The following LRRC20 variants were observed in gnomAD, a reference collection of about 807,000 sequenced individuals.
LRRC20 encodes the protein leucine rich repeat containing 20, also known as leucine-rich repeat-containing protein 20.
LRRC20 carries 11 observed loss-of-function variants against 14.4 expected under a neutral mutation model. That is an observed-to-expected ratio of 0.77 (90% confidence interval 0.48 to 1.27). LRRC20 has a LOEUF of 1.27. Ranked by LOEUF, LRRC20 falls within the 50% of genes most tolerant of loss-of-function variation. LRRC20 has a pLI of 0.00. For missense variants in LRRC20, 219 were observed against 251.2 expected (o/e 0.87, Z 0.87); for synonymous variants, 121 against 107.3 (o/e 1.13, Z -0.79).
chr10:70,307,491 C>G (rs548574861), intron 4 of LRRC20, among the ~76,000 whole-genome samples: 1 of 152,360 alleles, frequency 6.6e-6, no homozygotes, highest in South Asian at 2.1e-4. Flanking sequence ...GCTGACCCGT[C>G]CTGAGAGAAA....
At chr10:70,369,177 C>G (rs1442728016) in intron 2 of LRRC20, among the ~76,000 whole-genome samples, 1 of 152,136 alleles carries the variant, frequency 6.6e-6, no homozygotes, top group Non-Finnish European at 1.5e-5. Flanking sequence ...CACTGTGGTT[C>G]CAAGAAGACC....
intron 2 of LRRC20, among the ~76,000 whole-genome samples, chr10:70,344,983 G>A (rs1379157253): frequency 6.6e-6 from 1 of 152,156 alleles, no homozygotes; most frequent in East Asian, 1.9e-4. Flanking sequence ...ATTGTTGAAT[G>A]TAACTACTAC....
intron 2 of LRRC20, among the ~76,000 whole-genome samples, chr10:70,355,428 T>C (rs1283461254): frequency 6.6e-6 from 1 of 151,974 alleles, no homozygotes; most frequent in East Asian, 1.9e-4. Context: ...GAAAAGGGCA[T>C]GGGAGGAAGA....
intron 2 of LRRC20, among the ~76,000 whole-genome samples, chr10:70,353,190 A>G (rs1843385164): frequency 6.6e-6 from 1 of 152,300 alleles, no homozygotes; most frequent in East Asian, 1.9e-4. Context: ...CCCTATAAAT[A>G]GGTCACTACT....
At chr10:70,352,832 A>AT (rs143035167) in intron 2 of LRRC20, among the ~76,000 whole-genome samples, 6,345 of 152,292 alleles carry the variant, frequency 0.042, 462 homozygotes, top group African/African-American at 0.15. Flanking sequence ...GTATATTTAC[A>AT]TTGTTGTGCA....
At chr10:70,329,105 A>G (rs1842435856) in intron 3 of LRRC20, among the ~76,000 whole-genome samples, 1 of 152,218 alleles carries the variant, frequency 6.6e-6, no homozygotes, top group South Asian at 2.1e-4. Context: ...ACTTACTCAA[A>G]AAATATTACT....
chr10:70,332,386 G>A (rs1434262561), intron 3 of LRRC20, among the ~76,000 whole-genome samples: 2 of 152,262 alleles, frequency 1.3e-5, no homozygotes, highest in Admixed American at 6.5e-5. Context: ...GCTCACGCCT[G>A]TAATCCCAAC....
chr10:70,309,933 G>C (rs927426695), intron 4 of LRRC20, among the ~76,000 whole-genome samples: 2 of 152,220 alleles, frequency 1.3e-5, no homozygotes, highest in African/African-American at 4.8e-5. Flanking sequence ...CCGGGGTCTC[G>C]GCTTGCTGTT....
At chr10:70,372,254 T>C (rs987485004) in intron 2 of LRRC20, among the ~76,000 whole-genome samples, 1 of 152,214 alleles carries the variant, frequency 6.6e-6, no homozygotes, top group Non-Finnish European at 1.5e-5. Flanking sequence ...AATACGTTCA[T>C]TATAGAACAT....
chr10:70,365,108 G>A (rs545535583), intron 2 of LRRC20, among the ~76,000 whole-genome samples: 37 of 141,810 alleles, frequency 2.6e-4, no homozygotes, highest in African/African-American at 9.6e-4. Flanking sequence ...CGCCCAGGCT[G>A]GAGTGCAGTG....
intron 1 of LRRC20, chr10:70,381,558 T>A (rs1844709695): frequency 6.6e-6 from 1 of 152,304 alleles, no homozygotes; most frequent in Non-Finnish European, 1.5e-5. Context: ...GTCCCCACCA[T>A]CTGCTCCTAT....
At chr10:70,339,489 T>C (rs1051338101) in intron 3 of LRRC20, among the ~76,000 whole-genome samples, 1 of 152,032 alleles carries the variant, frequency 6.6e-6, no homozygotes, top group Admixed American at 6.6e-5. Flanking sequence ...AAGGGGGGCA[T>C]GGAGTTGGGG....
Position 70,323,987 on chromosome 10 carries a change from C to A in LRRC20, c.276G>T (p.Glu92Asp). 1 of 1,613,718 alleles carries A rather than the reference C, an allele frequency of 6.2e-7. No individual in the cohort carries two copies. Among genetic ancestry groups the A allele is most frequent in the Non-Finnish European group, 8.5e-7 (1 of 1,179,608 alleles). Residue 92 changes from glutamate to aspartate, a missense_variant, in exon 4 of 5, where the codon GAG (glutamate) becomes GAT (aspartate). Glu to Asp is a conservative substitution (Grantham distance 45, BLOSUM62 2). Coordinates refer to ENST00000446961, the MANE Select transcript of LRRC20 (RefSeq NM_001278212.2). Reference sequence around the variant, plus strand: ...CCTTGAGGTGCTGCAGGGCACTGACCTCGCTGGGGAGGCGGTGTAGGAAGT... The same window carrying A: ...CCTTGAGGTGCTGCAGGGCACTGACATCGCTGGGGAGGCGGTGTAGGAAGT... Reference protein sequence around the residue: ...EGNFLHRLPSEVSALQHLKAI... With the variant: ...EGNFLHRLPSDVSALQHLKAI...
At chr10:70,345,809 T>C (rs781101252) in intron 2 of LRRC20, among the ~76,000 whole-genome samples, 2 of 152,178 alleles carry the variant, frequency 1.3e-5, no homozygotes, top group Non-Finnish European at 1.5e-5. Flanking sequence ...CTGCTTTAAT[T>C]TGCAATATTT....
intron 3 of LRRC20, among the ~76,000 whole-genome samples, chr10:70,332,142 C>A (rs762848009): frequency 2.0e-5 from 3 of 152,210 alleles, no homozygotes; most frequent in Admixed American, 6.5e-5. Context: ...CAGAGTCAGA[C>A]GGTCAGGTGG....
At chr10:70,336,670 A>T (rs1589082953) in intron 3 of LRRC20, among the ~76,000 whole-genome samples, 1 of 151,692 alleles carries the variant, frequency 6.6e-6, no homozygotes, top group Admixed American at 6.6e-5. Context: ...CCTTTTTTCC[A>T]CTCTACCACT....
intron 4 of LRRC20, among the ~76,000 whole-genome samples, chr10:70,312,624 T>C (rs1373512069): frequency 2.0e-5 from 3 of 152,204 alleles, no homozygotes; most frequent in Non-Finnish European, 4.4e-5. Flanking sequence ...CTGAGTCTCC[T>C]GCTGACGATG....
At chr10:70,345,599 T>TA (rs1239817819) in intron 2 of LRRC20, among the ~76,000 whole-genome samples, 2 of 152,088 alleles carry the variant, frequency 1.3e-5, no homozygotes, top group African/African-American at 4.8e-5. Context: ...AAGAAAAAAT[T>TA]AAGACCACCT....
At chr10:70,315,083 A>AT (rs1389657493) in intron 4 of LRRC20, among the ~76,000 whole-genome samples, 1 of 152,206 alleles carries the variant, frequency 6.6e-6, no homozygotes, top group Non-Finnish European at 1.5e-5. Flanking sequence ...CCTGAGGAGA[A>AT]TAACAGTATC....
Sources: gnomAD v4.1 joint callset for allele counts (sites outside exome capture counted in the v4.1 genomes callset) on GRCh38, gnomAD v4.1.1 for gene constraint, MANE v1.5 for transcripts, NCBI Gene and HGNC (gene_info 2026-07-23, HGNC 2026-07-21) for gene names.